Variants in PUS10 observed in about 807,000 individuals in gnomAD.
PUS10 encodes tRNA pseudouridine synthase Pus10.
PUS10 carries 59 observed loss-of-function variants against 75.0 expected under a neutral mutation model. The ratio of observed to expected loss-of-function variants is 0.79; its 90% CI spans 0.64 to 0.98. The LOEUF is 0.98. Among genes scored for constraint, PUS10 ranks in the 50% least tolerant of loss-of-function variants. The probability of loss-of-function intolerance (pLI) is 0.00; values close to 1 mark genes in which losing one functional copy is unlikely to be tolerated. For synonymous variants in PUS10, 219 were observed against 211.6 expected (o/e 1.03, Z -0.30); for missense variants, 650 against 614.4 (o/e 1.06, Z -0.61).
chr2:61,000,975 A>G (rs1291469562), intron 4 of PUS10, among the ~76,000 whole-genome samples: 1 of 152,224 alleles, frequency 6.6e-6, no homozygotes, highest in Non-Finnish European at 1.5e-5. Context: ...CATCTTGAAA[A>G]GCTTCACCAT....
At chr2:60,952,478 A>C (rs928135909) in intron 15 of PUS10, among the ~76,000 whole-genome samples, 1 of 152,192 alleles carries the variant, frequency 6.6e-6, no homozygotes, top group African/African-American at 2.4e-5. Flanking sequence ...GGCAAAATGC[A>C]TGTGCTTTAC....
At chr2:60,977,392 A>G (rs1270588710) in intron 4 of PUS10, among the ~76,000 whole-genome samples, 2 of 152,222 alleles carry the variant, frequency 1.3e-5, no homozygotes, top group African/African-American at 4.8e-5. Context: ...TGGAAAGTTC[A>G]GAAGGTTTTG....
At chr2:60,976,234 T>G (rs1368343439) in intron 4 of PUS10, among the ~76,000 whole-genome samples, 5 of 152,262 alleles carry the variant, frequency 3.3e-5, no homozygotes, top group Non-Finnish European at 7.3e-5. Context: ...TGAAACCTTA[T>G]CTGTACTTTA....
chr2:60,976,521 A>T (rs1362535697), intron 4 of PUS10, among the ~76,000 whole-genome samples: 1 of 152,246 alleles, frequency 6.6e-6, no homozygotes, highest in Non-Finnish European at 1.5e-5. Context: ...CCATCCTCTA[A>T]TTATAAAGTA....
chr2:60,947,153 G>T (rs552523913), intron 16 of PUS10, among the ~76,000 whole-genome samples: 36 of 152,208 alleles, frequency 2.4e-4, no homozygotes, highest in African/African-American at 8.2e-4. Flanking sequence ...CACAGTCAAA[G>T]CTCTTTGCAG....
chr2:60,965,041 C>A lies in PUS10; in HGVS notation c.723+17G>T, dbSNP rs545621232. 1.2e-6 allele frequency: 2 copies of A among 1,611,542 alleles called. No homozygotes were observed. The highest frequency in any genetic ancestry group is 1.3e-5 in the African/African-American group (1 of 74,812). ...ACAAAACTCACTCAAGACTAAGAAGCGGGAACCTTTCCTTACCTGTTTGTT... is the reference window on the plus strand; with the variant it reads ...ACAAAACTCACTCAAGACTAAGAAGAGGGAACCTTTCCTTACCTGTTTGTT... On this transcript the variant is annotated intron_variant, in intron 8 of 17. Coordinates refer to ENST00000316752, the MANE Select transcript of PUS10 (RefSeq NM_144709.4).
intron 1 of PUS10, among the ~76,000 whole-genome samples, chr2:61,012,399 C>G (rs1398711602): frequency 1.3e-5 from 2 of 152,102 alleles, no homozygotes; most frequent in Non-Finnish European, 2.9e-5. Context: ...AAGTTTTTCT[C>G]TGACCTTCTG....
intron 4 of PUS10, among the ~76,000 whole-genome samples, chr2:60,972,122 G>A (rs2104421656): frequency 6.9e-6 from 1 of 145,190 alleles, no homozygotes; most frequent in South Asian, 2.2e-4. Flanking sequence ...GCCCACCTCG[G>A]CCTCCCAAAG....
At chr2:60,947,590 A>C (rs567541325) in intron 16 of PUS10, among the ~76,000 whole-genome samples, 7 of 152,268 alleles carry the variant, frequency 4.6e-5, no homozygotes, top group East Asian at 3.9e-4. Context: ...AGCACTTCGG[A>C]AGGCCGAGGT....
rs764085490 is a variant in PUS10, at chr2:60,967,508, A to G, written c.609T>C (p.Asp203=). ...LFSEELGVPI[D]GKSLFEVSVV... The stretch of plus-strand genomic sequence containing the variant: ...AATGCTGTTGACCCAATACCTTTCC[A>G]TCAATGGGAACACCCAGTTCCTCTG... The change falls in exon 6 of 18, where the codon GAT becomes GAC. Residue 203 remains aspartate (D), a synonymous_variant. Coordinates refer to ENST00000316752, the MANE Select transcript of PUS10 (RefSeq NM_144709.4). The G allele has an allele frequency of 3.8e-6, 6 of 1,582,904 alleles. No homozygotes were observed. The highest frequency in any genetic ancestry group is 5.2e-6 in the Non-Finnish European group (6 of 1,157,198).
chr2:60,978,045 T>G (rs1677144169), intron 4 of PUS10, among the ~76,000 whole-genome samples: 4 of 151,968 alleles, frequency 2.6e-5, no homozygotes, highest in Admixed American at 2.6e-4. Context: ...GAGACACACT[T>G]AGGAGGGGCA....
chr2:61,016,699 G>A (rs922036564), intron 1 of PUS10, among the ~76,000 whole-genome samples: 1 of 152,134 alleles, frequency 6.6e-6, no homozygotes, highest in African/African-American at 2.4e-5. Context: ...TGGAGGAGAG[G>A]AAGGACTTTA....
chr2:60,953,944 C>T lies in PUS10; in HGVS notation c.1179G>A (p.Gln393=). The T allele has an allele frequency of 6.2e-7, 1 of 1,613,954 alleles. No homozygotes were observed. Among genetic ancestry groups the T allele is most frequent in the Non-Finnish European group, 8.5e-7 (1 of 1,179,806 alleles). The change falls in exon 14 of 18, where the codon CAG becomes CAA. Residue 393 remains glutamine, a synonymous_variant. Transcript: ENST00000316752. ...GAGCCTACTCTTACCTTGTGACAAG[C>T]TGCAAGTCACGTACTTGGATTTTGT... is the stretch of plus-strand genomic sequence containing the variant. ...SSNKIQVRDL[Q]LVTREAIGHM...
intron 5 of PUS10, among the ~76,000 whole-genome samples, chr2:60,969,793 T>C (rs1676549555): frequency 6.6e-6 from 1 of 152,108 alleles, no homozygotes. Context: ...AATCCTTTGA[T>C]AAGAAATAAA....
intron 7 of PUS10, 106 bp downstream of exon 7, chr2:60,965,317 A>G (rs1382294895): frequency 1.6e-5 from 17 of 1,060,862 alleles, no homozygotes; most frequent in Non-Finnish European, 2.5e-5. Context: ...CTAAGACATA[A>G]CAAGTTCTTC....
At chr2:60,988,664 C>G (rs986157981) in intron 4 of PUS10, among the ~76,000 whole-genome samples, 1 of 152,282 alleles carries the variant, frequency 6.6e-6, no homozygotes, top group South Asian at 2.1e-4. Context: ...GAGATGGAGT[C>G]TTGCTCTGTA....
chr2:60,955,222 A>G (rs1573395773), intron 11 of PUS10, 148 bp from the exon 12 acceptor site: 1 of 449,420 alleles, frequency 2.2e-6, no homozygotes, highest in African/African-American at 2.0e-5. Flanking sequence ...TCTAATGTCA[A>G]TCTCTACTAA....
chr2:60,958,734 A>G (rs1266376560), intron 11 of PUS10, among the ~76,000 whole-genome samples: 1 of 152,018 alleles, frequency 6.6e-6, no homozygotes, highest in East Asian at 1.9e-4. Context: ...AAATACAAAA[A>G]AATTAGCCAG....
At chr2:60,983,635 T>C (rs1428069673) in intron 4 of PUS10, among the ~76,000 whole-genome samples, 1 of 151,506 alleles carries the variant, frequency 6.6e-6, no homozygotes, top group African/African-American at 2.4e-5. Context: ...CGAGATCGCA[T>C]CATTGCACTT....
Sources: allele counts gnomAD v4.1 joint callset (sites outside exome capture counted in the v4.1 genomes callset), GRCh38; gene constraint gnomAD v4.1.1; transcripts MANE v1.5; gene names NCBI Gene and HGNC (gene_info 2026-07-23, HGNC 2026-07-21).